The following PDE4D variants were observed in gnomAD, a reference collection of about 807,000 sequenced individuals.
PDE4D encodes the protein phosphodiesterase 4D, also known as 3',5'-cyclic-AMP phosphodiesterase 4D.
Under a neutral mutation model 87.4 loss-of-function variants are expected in PDE4D, and 24 were observed. The ratio of observed to expected loss-of-function variants is 0.27; its 90% confidence interval spans 0.20 to 0.39. The LOEUF is 0.39. Ranked by LOEUF, PDE4D falls within the 10% of genes least tolerant of loss-of-function variation. The probability of loss-of-function intolerance (pLI) is 1.00; values close to 1 mark genes in which losing one functional copy is unlikely to be tolerated. For missense variants in PDE4D, 714 were observed against 1,041.0 expected (o/e 0.69, Z 4.32); for synonymous variants, 384 against 383.2 (o/e 1.00, Z -0.02).
At chr5:59,999,613 C>T (rs909164278) in intron 2 of PDE4D, among the ~76,000 whole-genome samples, 1 of 149,378 alleles carries the variant, frequency 6.7e-6, no homozygotes, top group Non-Finnish European at 1.5e-5. Flanking sequence ...CTGTATGAAG[C>T]CAATTTATAA....
chr5:59,291,009 G>A (rs27177), intron 1 of PDE4D, among the ~76,000 whole-genome samples: 57 of 152,134 alleles, frequency 3.7e-4, no homozygotes, highest in Admixed American at 3.0e-3. Flanking sequence ...AACCACTATG[G>A]AGAACAGTTT....
At chr5:59,187,722 G>A (rs961670577) in intron 3 of PDE4D, among the ~76,000 whole-genome samples, 3 of 152,084 alleles carry the variant, frequency 2.0e-5, no homozygotes, top group African/African-American at 7.2e-5. Flanking sequence ...ATCTTGTAGA[G>A]AAATTATTTC....
At chr5:59,554,650 T>G (rs1818616854) in intron 1 of PDE4D, among the ~76,000 whole-genome samples, 1 of 152,150 alleles carries the variant, frequency 6.6e-6, no homozygotes, top group African/African-American at 2.4e-5. Context: ...ATGCTGAATC[T>G]CCACTGGGCA....
chr5:59,819,237 T>G (rs1769354130), intron 1 of PDE4D, among the ~76,000 whole-genome samples: 2 of 152,340 alleles, frequency 1.3e-5, no homozygotes, highest in Middle Eastern at 3.4e-3. Flanking sequence ...GTAAGTTTCC[T>G]AAGGGTGGAA....
chr5:60,437,173 A>T (rs372958121), intron 1 of PDE4D, among the ~76,000 whole-genome samples: 1 of 152,008 alleles, frequency 6.6e-6, no homozygotes, highest in East Asian at 1.9e-4. Flanking sequence ...CCTATTTCAA[A>T]CTGTTGCTTG....
intron 1 of PDE4D, among the ~76,000 whole-genome samples, chr5:59,315,607 C>A (rs1581916906): frequency 6.6e-6 from 1 of 152,060 alleles, no homozygotes; most frequent in African/African-American, 2.4e-5. Context: ...TCATGGCTGG[C>A]ACCAGGGAGG....
At chr5:59,120,956 A>G (rs1774388587) in intron 5 of PDE4D, among the ~76,000 whole-genome samples, 1 of 152,228 alleles carries the variant, frequency 6.6e-6, no homozygotes, top group Admixed American at 6.5e-5. Context: ...CCAAGAATAT[A>G]CATTAGGGAA....
chr5:59,887,113 G>C (rs975064723), intron 1 of PDE4D, among the ~76,000 whole-genome samples: 2 of 152,088 alleles, frequency 1.3e-5, no homozygotes, highest in Non-Finnish European at 2.9e-5. Flanking sequence ...TAGGGGAGAG[G>C]AAGAGTCTAA....
chr5:60,463,478 C>A (rs1335121515), intron 1 of PDE4D, among the ~76,000 whole-genome samples: 1 of 152,170 alleles, frequency 6.6e-6, no homozygotes, highest in African/African-American at 2.4e-5. Flanking sequence ...CACAATTATC[C>A]TGGGAGCTTC....
chr5:59,758,682 T>C (rs1322161946), intron 1 of PDE4D, among the ~76,000 whole-genome samples: 1 of 152,304 alleles, frequency 6.6e-6, no homozygotes, highest in East Asian at 1.9e-4. Flanking sequence ...CTAACGTGAA[T>C]ACCACCAATA....
intron 1 of PDE4D, among the ~76,000 whole-genome samples, chr5:59,581,329 T>TA (rs1231264737): frequency 1.3e-4 from 20 of 152,330 alleles, no homozygotes; most frequent in African/African-American, 4.3e-4. Flanking sequence ...AATTTTCCTT[T>TA]ACTTGCCTAT....
chr5:60,430,223 C>A, intron 1 of PDE4D: 2 of 519,612 alleles, frequency 3.8e-6, no homozygotes, highest in South Asian at 2.8e-5. Context: ...GTCACCATCT[C>A]GTTGATGGCG....
intron 1 of PDE4D, among the ~76,000 whole-genome samples, chr5:59,474,684 G>A (rs576847127): frequency 2.0e-5 from 3 of 152,120 alleles, no homozygotes; most frequent in Admixed American, 1.3e-4. Flanking sequence ...TATGTATGAA[G>A]AGAACAAGAA....
chr5:59,869,845 G>A (rs769444371), intron 1 of PDE4D, among the ~76,000 whole-genome samples: 1 of 152,166 alleles, frequency 6.6e-6, no homozygotes, highest in Non-Finnish European at 1.5e-5. Flanking sequence ...TCTAAGGAAT[G>A]TCAGCATCCC....
chr5:60,050,129 C>T (rs914018272), intron 2 of PDE4D, among the ~76,000 whole-genome samples: 39 of 152,150 alleles, frequency 2.6e-4, no homozygotes, highest in Admixed American at 2.2e-3. Flanking sequence ...CCAATTTTCC[C>T]GGTGCTGTCT....
At chr5:59,922,691 A>C (rs1754804683) in intron 3 of PDE4D, among the ~76,000 whole-genome samples, 1 of 152,078 alleles carries the variant, frequency 6.6e-6, no homozygotes, top group Non-Finnish European at 1.5e-5. Context: ...CCCCTGAATA[A>C]TCAGCAGCAA....
chr5:59,796,075 T>G (rs1766446659), intron 1 of PDE4D, among the ~76,000 whole-genome samples: 1 of 152,214 alleles, frequency 6.6e-6, no homozygotes, highest in South Asian at 2.1e-4. Flanking sequence ...CAATGCATTT[T>G]GGCTGTTGTA....
intron 3 of PDE4D, among the ~76,000 whole-genome samples, chr5:59,914,076 T>C (rs1430018164): frequency 4.2e-5 from 1 of 23,584 alleles, no homozygotes; most frequent in Non-Finnish European, 7.7e-5. Context: ...ACATATTGAC[T>C]CCCACTTGTG....
intron 3 of PDE4D, among the ~76,000 whole-genome samples, chr5:59,945,584 CCTGT>C (rs1396096014): frequency 2.0e-5 from 3 of 152,182 alleles, no homozygotes; most frequent in African/African-American, 7.2e-5. Flanking sequence ...ACATCATCTT[CCTGT>C]CTCTCTTCCC....
Sources: gnomAD v4.1 joint callset for allele counts (sites outside exome capture counted in the v4.1 genomes callset) on GRCh38, gnomAD v4.1.1 for gene constraint, MANE v1.5 for transcripts, NCBI Gene and HGNC (gene_info 2026-07-23, HGNC 2026-07-21) for gene names.